The following SUPT6H variants were observed in gnomAD, a reference collection of about 807,000 sequenced individuals.
SUPT6H encodes the protein SPT6 homolog, histone chaperone and transcription elongation factor.
In SUPT6H, 11 loss-of-function variants were observed where a neutral mutation model predicts 222.3. The ratio of observed to expected loss-of-function variants is 0.05; its 90% CI spans 0.03 to 0.08. The LOEUF is 0.08. Among genes scored for constraint, SUPT6H ranks in the 10% least tolerant of loss-of-function variants. The pLI is 1.00. For synonymous variants in SUPT6H, 762 were observed against 801.2 expected, an observed-to-expected ratio of 0.95 and a Z score of 0.83; for missense variants, 1,422 against 2,216.0, an observed-to-expected ratio of 0.64 and a Z score of 7.19.
At position 28,701,116 on chromosome 17, in the gene SUPT6H, A is replaced by G; in HGVS notation, c.4982A>G (p.Gln1661Arg). The change falls in exon 36 of 37, where the codon CAG becomes CGG. Residue 1661 changes from glutamine to arginine, a missense_variant. By Grantham distance (43) the Gln-to-Arg change is conservative. Coordinates refer to ENST00000314616, the MANE Select transcript of SUPT6H (RefSeq NM_003170.5). Reference protein sequence around the residue: ...PQPSSSSRQRQQQPKSNSHAA... With the variant: ...PQPSSSSRQRRQQPKSNSHAA... ...CCCTCTTCCAGCTCCCGGCAACGGC[A>G]GCAGCAGCCAAAGTAAGTATCTGGA... is the stretch of plus-strand genomic sequence containing the variant. 1 of 1,609,752 alleles carries G rather than the reference A, an allele frequency of 6.2e-7. No individual in the cohort carries two copies. The highest frequency in any genetic ancestry group is 8.5e-7 in the Non-Finnish European group (1 of 1,179,070).
chr17:28,699,962 C>G, intron 33 of SUPT6H, 69 bp downstream of exon 33: 1 of 1,497,266 alleles, frequency 6.7e-7, no homozygotes, highest in Non-Finnish European at 9.3e-7. Context: ...TCAGAGTAGT[C>G]CCAGCCTAGG....
rs2031496057 is a variant in SUPT6H, at chr17:28,688,389, C to T, written c.3134+171C>T. 1.4e-6 allele frequency: 1 copy of T among 698,442 alleles called. No homozygotes were observed. The highest frequency in any genetic ancestry group is 1.8e-5 in the African/African-American group (1 of 54,436). 43.3% of individuals were successfully genotyped at this position (698,442 alleles called of 1,614,324 possible). A position where few individuals can be genotyped will look rare whatever the true frequency, so the allele number is the denominator to read the frequency against. ...AGAGCCCCTGACCTATGGAAAAGAT[C>T]GGTTCAATCATGTGAAACATTTTTC... On this transcript the variant is annotated intron_variant, in intron 24 of 36. Coordinates refer to ENST00000314616, the MANE Select transcript of SUPT6H (RefSeq NM_003170.5). This position sits in a 1 kb window ranked among gnomAD's most constrained non-coding sequence, Gnocchi z 4.3.
rs1012759252 is a variant in SUPT6H, at chr17:28,675,171, T to C, written c.538+9T>C. On this transcript the variant is annotated intron_variant, in intron 5 of 36. Transcript: ENST00000314616. ...AGATGATGAGGAGTCAGGTATGTTA[T>C]ATTGGGCAGGGAAGCCAGTGTTTGG... is the stretch of plus-strand genomic sequence containing the variant. 6 of 1,602,240 alleles carry C rather than the reference T, an allele frequency of 3.7e-6. No individual in the cohort carries two copies. The highest frequency in any genetic ancestry group is 4.3e-6 in the Non-Finnish European group (5 of 1,175,534).
At chr17:28,693,242 C>T (rs552315290) in intron 27 of SUPT6H, among the ~76,000 whole-genome samples, 35 of 152,130 alleles carry the variant, frequency 2.3e-4, no homozygotes, top group Admixed American at 1.0e-3. Flanking sequence ...GGGCAGAACA[C>T]CTGAGGTCAG....
chr17:28,666,836 C>T (rs547302056), intron 1 of SUPT6H, among the ~76,000 whole-genome samples: 34 of 152,096 alleles, frequency 2.2e-4, no homozygotes, highest in Non-Finnish European at 4.1e-4. Context: ...GCATTATAGG[C>T]GTGAGCCACC....
intron 28 of SUPT6H, chr17:28,694,943 G>T (rs1257434701): frequency 6.1e-6 from 1 of 163,000 alleles, no homozygotes; most frequent in Non-Finnish European, 1.3e-5. Flanking sequence ...GGTGGAGGTT[G>T]CAGTGAGCCA....
chr17:28,677,463 T>C (rs1567689944), intron 7 of SUPT6H, among the ~76,000 whole-genome samples: 1 of 151,854 alleles, frequency 6.6e-6, no homozygotes, highest in South Asian at 2.1e-4. Context: ...GAGAATCATT[T>C]GAACTCCGGA....
rs751296875 is a variant in SUPT6H at position 28,701,674 on chromosome 17, G to A, written c.*49G>A. ...TTACCTCTGAGGCTGGGAAAGGCCT[G>A]GCTGCCCACTGCCTCCCTCCCTGCC... On this transcript the variant is annotated 3_prime_UTR_variant, in exon 37 of 37. Transcript: ENST00000314616. 11 of 1,543,644 alleles carry A rather than the reference G, an allele frequency of 7.1e-6. No homozygotes were observed. In the South Asian group the frequency reaches 1.3e-4, roughly 18 times the overall value.
At chr17:28,677,268 A>G (rs2030805335) in intron 7 of SUPT6H, among the ~76,000 whole-genome samples, 2 of 151,942 alleles carry the variant, frequency 1.3e-5, no homozygotes, top group South Asian at 2.1e-4. Flanking sequence ...CTGTAATCCC[A>G]GTTACTTGGG....
At position 28,699,821 on chromosome 17, in the gene SUPT6H, C is replaced by T. The variant is rs1336887527; in HGVS notation, c.4489C>T (p.Arg1497Trp). Reference sequence around the variant, plus strand: ...GGTGACTCCAGAGGGATTCCGGTACCGGGGCCAGATCTTCCCAACCGTGAA... The same window carrying T: ...GGTGACTCCAGAGGGATTCCGGTACTGGGGCCAGATCTTCCCAACCGTGAA... ...VTVTPEGFRY[R>W]GQIFPTVNGL... is the part of the protein sequence containing the mutation. The change falls in exon 33 of 37, where the codon CGG (arginine) becomes TGG (tryptophan). Residue 1497 changes from arginine to tryptophan, a missense_variant. By Grantham distance (101) the Arg-to-Trp change is moderately radical. This residue lies in a region of SUPT6H where 395 missense variants were observed against 580.6 expected (regional missense o/e 0.68). Coordinates refer to ENST00000314616, the MANE Select transcript of SUPT6H (RefSeq NM_003170.5). 1.9e-6 allele frequency: 3 copies of T among 1,614,134 alleles called. No homozygotes were observed. Among genetic ancestry groups the T allele is most frequent in the Non-Finnish European group, 2.5e-6 (3 of 1,180,004 alleles).
intron 16 of SUPT6H, 77 bp downstream of exon 16, chr17:28,683,499 A>C: frequency 1.3e-6 from 2 of 1,592,104 alleles, no homozygotes; most frequent in Non-Finnish European, 1.7e-6. Context: ...GCCCCTCAGG[A>C]GTGGGGAACC....
intron 1 of SUPT6H, among the ~76,000 whole-genome samples, chr17:28,669,155 T>G (rs2030263086): frequency 6.6e-6 from 1 of 152,268 alleles, no homozygotes; most frequent in Non-Finnish European, 1.5e-5. Context: ...TATTTTAAAG[T>G]AGTAAACAAT....
chr17:28,695,274 T>C (rs145803650), intron 28 of SUPT6H, 78 bp from the exon 29 acceptor site: 17 of 1,458,718 alleles, frequency 1.2e-5, no homozygotes, highest in African/African-American at 4.2e-5. Context: ...GCCTGGACTT[T>C]GGTTTTCTCA....
rs530338458 is a variant in SUPT6H at position 28,684,660 on chromosome 17, C to T, written c.2304C>T (p.Asp768=). The part of the protein sequence containing the change: ...YRPDQQVEED[D]DFMDENQGKG... The stretch of plus-strand genomic sequence containing the variant: ...CAGATCAGCAGGTGGAAGAAGATGA[C>T]GACTTTATGGACGAGAACCAAGGGA... Residue 768 remains aspartate (D), a synonymous_variant, in exon 18 of 37, where the codon GAC becomes GAT. Coordinates refer to ENST00000314616, the MANE Select transcript of SUPT6H (RefSeq NM_003170.5). 1.4e-5 allele frequency: 23 copies of T among 1,614,168 alleles called. No individual in the cohort carries two copies. The highest frequency in any genetic ancestry group is 8.0e-5 in the African/African-American group (6 of 75,030).
In SUPT6H at chr17:28,697,564, G is replaced by T; in HGVS notation, c.4210-56G>T. 3 of 1,451,546 alleles carry T rather than the reference G, an allele frequency of 2.1e-6. No homozygotes were observed. The South Asian group carries it at 3.5e-5, about 17-fold the overall frequency. 89.9% of individuals were successfully genotyped at this position (1,451,546 alleles called of 1,614,324 possible). A position where few individuals can be genotyped will look rare whatever the true frequency, so the allele number is the denominator to read the frequency against. On this transcript the variant is annotated intron_variant, in intron 30 of 36. Coordinates refer to ENST00000314616, the MANE Select transcript of SUPT6H (RefSeq NM_003170.5). Reference sequence around the variant, plus strand: ...CATGGTTTTTCTTCTGGATGGATTTGATCAAGAATCTCAGCTCTGGATATG... The same window carrying T: ...CATGGTTTTTCTTCTGGATGGATTTTATCAAGAATCTCAGCTCTGGATATG...
rs1330726283 is a variant in SUPT6H, at chr17:28,700,957, C to A, written c.4823C>A (p.Ala1608Asp). ...SSAYHVFPTPAQQPVATPLMT... is the reference protein window; with the variant it reads ...SSAYHVFPTPDQQPVATPLMT... ...CCTCTCCAGGTATTCCCAACGCCAG[C>A]CCAGCAGCCAGTGGCCACACCACTA... Residue 1608 changes from alanine (A) to aspartate (D), a missense_variant, in exon 36 of 37, where the codon GCC becomes GAC. Ala to Asp is a moderately radical substitution (Grantham distance 126). Coordinates refer to ENST00000314616, the MANE Select transcript of SUPT6H (RefSeq NM_003170.5). The A allele has an allele frequency of 6.2e-7, 1 of 1,612,334 alleles. No homozygotes were observed.
chr17:28,701,865 G>T lies in SUPT6H; in HGVS notation c.*240G>T. On this transcript the variant is annotated 3_prime_UTR_variant, in exon 37 of 37. Coordinates refer to ENST00000314616, the MANE Select transcript of SUPT6H (RefSeq NM_003170.5). ...GACCACCTGTCCTGGGACCAGGCTGGGAGGGGAGTGTGGCAGGGAGGAGGA... is the reference window on the plus strand; with the variant it reads ...GACCACCTGTCCTGGGACCAGGCTGTGAGGGGAGTGTGGCAGGGAGGAGGA... 1 of 515,322 alleles carries T rather than the reference G, an allele frequency of 1.9e-6. No individual in the cohort carries two copies. The highest frequency in any genetic ancestry group is 3.4e-6 in the Non-Finnish European group (1 of 289,916). 31.9% of individuals were successfully genotyped at this position (515,322 alleles called of 1,614,324 possible).
At chr17:28,681,803 A>G in intron 12 of SUPT6H, 79 bp from the exon 13 acceptor site, 2 of 1,288,326 alleles carry the variant, frequency 1.6e-6, no homozygotes, top group South Asian at 2.7e-5. Context: ...GTACCCTTTG[A>G]GGCTTCTCTC....
At chr17:28,669,032 C>T (rs1199038408) in intron 1 of SUPT6H, among the ~76,000 whole-genome samples, 1 of 152,172 alleles carries the variant, frequency 6.6e-6, no homozygotes, top group African/African-American at 2.4e-5. Context: ...CCTTTATACT[C>T]TTAAAACTTA....
Sources: allele counts gnomAD v4.1 joint callset (sites outside exome capture counted in the v4.1 genomes callset), GRCh38; gene constraint gnomAD v4.1.1; regional missense constraint gnomAD v4.1.1; non-coding constraint Gnocchi (gnomAD v3.1); transcripts MANE v1.5; gene names NCBI Gene and HGNC (gene_info 2026-07-23, HGNC 2026-07-21).